SLC9A3: variants seen among roughly 807,000 people sequenced by gnomAD.
The protein encoded by SLC9A3 is sodium/hydrogen exchanger 3.
A neutral mutation model predicts 86.8 loss-of-function variants in SLC9A3; 37 were observed. That is an observed-to-expected ratio of 0.43 (90% CI 0.33 to 0.56). The LOEUF (loss-of-function observed/expected upper bound fraction) is 0.56, where lower values mean the gene tolerates loss of function less well. Ranked by LOEUF, SLC9A3 falls within the 20% of genes least tolerant of loss-of-function variation. The pLI is 0.06. For synonymous variants in SLC9A3, 581 were observed against 528.3 expected (o/e 1.10, Z -1.37); for missense variants, 1,011 against 1,171.9 (o/e 0.86, Z 2.00).
In SLC9A3 at chr5:491,962, G is replaced by C. The variant is rs750894034; in HGVS notation, c.321C>G (p.Ser107=). The C allele has an allele frequency of 2.5e-6, 4 of 1,608,946 alleles. No homozygotes were observed. Among genetic ancestry groups the C allele is most frequent in the Non-Finnish European group, 3.4e-6 (4 of 1,178,340 alleles). Residue 107 remains serine (S), a synonymous_variant, in exon 2 of 17, where the codon TCC becomes TCG. Coordinates refer to ENST00000264938, the MANE Select transcript of SLC9A3 (RefSeq NM_004174.4). The surrounding 1 kb of genome is among the most constrained non-coding windows in gnomAD (Gnocchi z 9.2). ...AGAAGACGGTGGGCGTCAGTGTGAAGGACGCGATGTGGTCGGCCGCCCAGA... is the reference window on the plus strand; with the variant it reads ...AGAAGACGGTGGGCGTCAGTGTGAACGACGCGATGTGGTCGGCCGCCCAGA... ...GIVWAADHIA[S]FTLTPTVFFF...
rs560926336 is a variant in SLC9A3, at chr5:476,155, C to T, written c.2067+47G>A. 78 of 1,612,114 alleles carry T rather than the reference C, an allele frequency of 4.8e-5. 1 individual carries two copies. The East Asian group carries it at 1.4e-3, about 30-fold the overall frequency. The stretch of plus-strand genomic sequence containing the variant: ...AGCCACACCCAGCCCTGACTGCCCC[C>T]GCTCCAGGCCCCAGCCCCGCCAAGC... On this transcript the variant is annotated intron_variant, in intron 13 of 16. Coordinates refer to ENST00000264938, the MANE Select transcript of SLC9A3 (RefSeq NM_004174.4).
chr5:501,078 C>A (rs905995027), intron 1 of SLC9A3, among the ~76,000 whole-genome samples: 5 of 152,188 alleles, frequency 3.3e-5, no homozygotes, highest in Admixed American at 6.5e-5. Context: ...GGCTTGGTGG[C>A]CTGATGGTTA....
chr5:513,252 C>T (rs538317672), intron 1 of SLC9A3, among the ~76,000 whole-genome samples: 2 of 152,198 alleles, frequency 1.3e-5, no homozygotes, highest in South Asian at 4.2e-4. Context: ...ATGTGGCATC[C>T]CCTTTGGAGT....
At chr5:501,735 C>T (rs1039413282) in intron 1 of SLC9A3, among the ~76,000 whole-genome samples, 54 of 152,336 alleles carry the variant, frequency 3.5e-4, no homozygotes, top group South Asian at 8.3e-4. Context: ...TGTGGGGCAC[C>T]GGCGAGGAAT....
At chr5:481,969 AC>A (rs1739206783) in intron 8 of SLC9A3, 98 bp downstream of exon 8, 8 of 99,376 alleles carry the variant, frequency 8.1e-5, no homozygotes, top group South Asian at 3.1e-4. Context: ...GCCCTCCGCC[AC>A]CCCCCAAGCC....
In SLC9A3 at chr5:497,218, G is replaced by A. The variant is rs914489214; in HGVS notation, c.212-5147C>T. 6.4e-4 allele frequency among the ~76,000 whole-genome samples: 97 copies of A among 152,236 alleles called. No homozygotes were observed. Among genetic ancestry groups the A allele is most frequent in the Middle Eastern group, 3.4e-3 (1 of 292 alleles). ...CTGGGTGGCACTGGTGGGTGCTCCCGGTGCCCAGGCCGCTGCCCCGCAGGT... is the reference window on the plus strand; with the variant it reads ...CTGGGTGGCACTGGTGGGTGCTCCCAGTGCCCAGGCCGCTGCCCCGCAGGT... On this transcript the variant is annotated intron_variant, in intron 1 of 16. Transcript: ENST00000264938. The surrounding 1 kb of genome is among the most constrained non-coding windows in gnomAD (Gnocchi z 5.4).
chr5:497,796 CCTG>C lies in SLC9A3; in HGVS notation c.212-5728_212-5726del, dbSNP rs1560965073. ...CCCGGCCGCATCCCCAGCCTCTGCC[CCTG>C]TCCCGGGTGGGGTCGCCCGGCCGCA... On this transcript the variant is annotated intron_variant, in intron 1 of 16. Coordinates refer to ENST00000264938, the MANE Select transcript of SLC9A3 (RefSeq NM_004174.4). This position sits in a 1 kb window ranked among gnomAD's most constrained non-coding sequence, Gnocchi z 5.4. 1.7e-4 allele frequency among the ~76,000 whole-genome samples: 9 copies of C among 52,510 alleles called. No individual in the cohort carries two copies. The highest frequency in any genetic ancestry group is 2.5e-4 in the Non-Finnish European group (6 of 24,004). 34.4% of individuals were successfully genotyped at this position (52,510 alleles called of 152,430 possible). A position where few individuals can be genotyped will look rare whatever the true frequency, so the allele number is the denominator to read the frequency against.
At chr5:505,094 G>A (rs1308176807) in intron 1 of SLC9A3, among the ~76,000 whole-genome samples, 2 of 150,642 alleles carry the variant, frequency 1.3e-5, no homozygotes, top group African/African-American at 4.9e-5. Flanking sequence ...ATGGAATCCC[G>A]GGTGGCTGGA....
At chr5:489,864 G>C (rs10065644) in intron 2 of SLC9A3, among the ~76,000 whole-genome samples, 12,384 of 152,286 alleles carry the variant, frequency 0.081, 581 homozygotes, top group Admixed American at 0.13. Flanking sequence ...TGCCAGGAGG[G>C]CTCATGCCAC....
chr5:513,518 C>A (rs1733634594), intron 1 of SLC9A3, among the ~76,000 whole-genome samples: 1 of 152,146 alleles, frequency 6.6e-6, no homozygotes, highest in Non-Finnish European at 1.5e-5. Flanking sequence ...ACGAGTGATA[C>A]CCAGGGTCTG....
chr5:483,413 G>A lies in SLC9A3; in HGVS notation c.1002C>T (p.Thr334=), dbSNP rs528584160. 1.6e-4 allele frequency: 253 copies of A among 1,583,522 alleles called. 2 individuals are homozygous for A. In the South Asian group the frequency reaches 2.2e-3, roughly 14 times the overall value. The change falls in exon 6 of 17, where the codon ACC becomes ACT. Residue 334 remains threonine (T), a synonymous_variant. Transcript: ENST00000264938. ...KANISEQSAT[T]VRYTMKMLAS... ...CCAGCATCTTCATGGTGTAGCGCAC[G>A]GTGGTGGCCGACTGCTCCGAGATGT... is the stretch of plus-strand genomic sequence containing the variant.
intron 1 of SLC9A3, among the ~76,000 whole-genome samples, chr5:514,501 T>C (rs1055159395): frequency 6.6e-6 from 1 of 152,176 alleles, no homozygotes; most frequent in African/African-American, 2.4e-5. Flanking sequence ...TTGCTCACTG[T>C]GGCCCCTCAG....
At chr5:504,813 G>T (rs1740472173) in intron 1 of SLC9A3, among the ~76,000 whole-genome samples, 2 of 152,162 alleles carry the variant, frequency 1.3e-5, no homozygotes, top group South Asian at 4.1e-4. Context: ...CGGGCCAGAG[G>T]CTCAGAAGGG....
intron 15 of SLC9A3, 174 bp downstream of exon 15, chr5:475,387 C>T: frequency 1.6e-6 from 1 of 620,002 alleles, no homozygotes; most frequent in Non-Finnish European, 2.8e-6. Flanking sequence ...CCCCGGACAG[C>T]AGCCTCCGAG....
rs1388202650 is a variant in SLC9A3, at chr5:473,185, C to T, written c.*194G>A. 5 of 540,516 alleles carry T rather than the reference C, an allele frequency of 9.3e-6. No homozygotes were observed. Among genetic ancestry groups the T allele is most frequent in the Admixed American group, 4.7e-5 (1 of 21,386 alleles). 33.5% of individuals were successfully genotyped at this position (540,516 alleles called of 1,614,324 possible). A position where few individuals can be genotyped will look rare whatever the true frequency, so the allele number is the denominator to read the frequency against. On this transcript the variant is annotated 3_prime_UTR_variant, in exon 17 of 17. Coordinates refer to ENST00000264938, the MANE Select transcript of SLC9A3 (RefSeq NM_004174.4). ...GCAGGCCCCGCCCCCGGCTCGCCCTCGGGCGGCTCTGCGGGCGCAGGCGCG... is the reference window on the plus strand; with the variant it reads ...GCAGGCCCCGCCCCCGGCTCGCCCTTGGGCGGCTCTGCGGGCGCAGGCGCG...
chr5:510,946 C>G (rs1160448693), intron 1 of SLC9A3, among the ~76,000 whole-genome samples: 1 of 152,248 alleles, frequency 6.6e-6, no homozygotes, highest in East Asian at 1.9e-4. Flanking sequence ...TCCTGTGTCT[C>G]CCCTGGCCAC....
At chr5:481,836 C>A (rs573074261) in intron 8 of SLC9A3, among the ~76,000 whole-genome samples, 23 of 99,580 alleles carry the variant, frequency 2.3e-4, no homozygotes, top group African/African-American at 8.2e-4. Context: ...CCCAGACCAA[C>A]GCAGCCTCCT....
At chr5:520,543 C>A (rs1733854277) in intron 1 of SLC9A3, among the ~76,000 whole-genome samples, 1 of 152,162 alleles carries the variant, frequency 6.6e-6, no homozygotes, top group Non-Finnish European at 1.5e-5. Flanking sequence ...TCCCCACCAT[C>A]CTCCCGGAAT....
At chr5:504,015 C>T (rs1201888447) in intron 1 of SLC9A3, among the ~76,000 whole-genome samples, 1 of 151,462 alleles carries the variant, frequency 6.6e-6, no homozygotes, top group African/African-American at 2.4e-5. Flanking sequence ...TTCTCTCTTG[C>T]CCTTATAAAA....
Sources: gnomAD v4.1 joint callset for allele counts (sites outside exome capture counted in the v4.1 genomes callset) on GRCh38, gnomAD v4.1.1 for gene constraint, Gnocchi (gnomAD v3.1) non-coding constraint, MANE v1.5 for transcripts, NCBI Gene and HGNC (gene_info 2026-07-23, HGNC 2026-07-21) for gene names.